NDUFA13: variants seen among roughly 807,000 people sequenced by gnomAD.
The protein encoded by NDUFA13 is NADH dehydrogenase [ubiquinone] 1 alpha subcomplex subunit 13.
NDUFA13 carries 16 observed loss-of-function variants against 17.0 expected under a neutral mutation model. The ratio of observed to expected loss-of-function variants is 0.94; its 90% CI spans 0.64 to 1.43. The LOEUF is 1.43. Among genes scored for constraint, NDUFA13 ranks in the 40% most tolerant of loss-of-function variants. The pLI, the probability that NDUFA13 is intolerant of heterozygous loss-of-function variation, is 0.00. For missense variants in NDUFA13, 228 were observed against 206.7 expected, an observed-to-expected ratio of 1.10 and a Z score of -0.63; for synonymous variants, 87 against 78.4, an observed-to-expected ratio of 1.11 and a Z score of -0.58.
At chr19:19,522,041 A>T (rs533659969) in intron 1 of NDUFA13, among the ~76,000 whole-genome samples, 1 of 152,118 alleles carries the variant, frequency 6.6e-6, no homozygotes, top group Non-Finnish European at 1.5e-5. Context: ...ACGGTGGCTC[A>T]TGCCTGTAAT....
rs773681331 is a variant in NDUFA13 at position 19,528,063 on chromosome 19, G to C, written c.372G>C (p.Leu124=). 1 of 1,612,074 alleles carries C rather than the reference G, an allele frequency of 6.2e-7. No individual in the cohort carries two copies. The highest frequency in any genetic ancestry group is 8.5e-7 in the Non-Finnish European group (1 of 1,179,892). Residue 124 remains leucine, a synonymous_variant, in exon 5 of 5, where the codon CTG becomes CTC. Coordinates refer to ENST00000507754, the MANE Select transcript of NDUFA13 (RefSeq NM_015965.7). The part of the protein sequence containing the change: ...TRWVPPLIGE[L]YGLRTTEEAL... Reference sequence around the variant, plus strand: ...GGGTGCCCCCCTTGATCGGGGAGCTGTACGGGCTGCGCACCACAGAGGAGG... The same window carrying C: ...GGGTGCCCCCCTTGATCGGGGAGCTCTACGGGCTGCGCACCACAGAGGAGG...
chr19:19,523,138 G>A (rs920187780), intron 1 of NDUFA13, among the ~76,000 whole-genome samples: 7 of 152,242 alleles, frequency 4.6e-5, no homozygotes, highest in Non-Finnish European at 1.0e-4. Context: ...TTCCCAACCT[G>A]CTTGTCAGTT....
rs1027611344 is a variant in NDUFA13, at chr19:19,525,881, C to A, written c.95-301C>A. 33 of 591,320 alleles carry A rather than the reference C, an allele frequency of 5.6e-5. No individual in the cohort carries two copies. The Admixed American group carries it at 1.1e-3, about 20-fold the overall frequency. The allele number at this position is 591,320 out of a possible 1,614,324, so 36.6% of individuals were successfully genotyped here. ...GGCCGGGAGCCACCATGGACACTGT[C>A]AGAACTGCCCTTCCACTTCAGGGCC... On this transcript the variant is annotated intron_variant, in intron 1 of 4. Transcript: ENST00000507754.
At chr19:19,518,758 T>TTTTTTTG (rs2061062440) in intron 1 of NDUFA13, among the ~76,000 whole-genome samples, 2 of 126,980 alleles carry the variant, frequency 1.6e-5, no homozygotes, top group Admixed American at 8.0e-5. Flanking sequence ...TTTTTTTTTT[T>TTTTTTTG]GAGATGGAGT....
At chr19:19,518,836 A>G (rs1412049481) in intron 1 of NDUFA13, among the ~76,000 whole-genome samples, 1 of 136,020 alleles carries the variant, frequency 7.4e-6, no homozygotes, top group African/African-American at 2.8e-5. Flanking sequence ...TCTGCCTCCC[A>G]GGTTTAAGCG....
rs770102335 is a variant in NDUFA13, at chr19:19,526,197, C to T, written c.110C>T (p.Ala37Val). 1.2e-5 allele frequency: 20 copies of T among 1,614,054 alleles called. No individual in the cohort carries two copies. Among genetic ancestry groups the T allele is most frequent in the African/African-American group, 2.7e-5 (2 of 75,056 alleles). Residue 37 changes from alanine to valine, a missense_variant, in exon 2 of 5, where the codon GCC becomes GTC. By Grantham distance (64) the Ala-to-Val change is moderately conservative (BLOSUM62 0). Coordinates refer to ENST00000507754, the MANE Select transcript of NDUFA13 (RefSeq NM_015965.7). ...CTCTTCACAGGCTACAGCATGCTGG[C>T]CATAGGGATTGGAACCCTGATCTAC... is the stretch of plus-strand genomic sequence containing the variant. Reference protein sequence around the residue: ...RRGLSGYSMLAIGIGTLIYGH... With the variant: ...RRGLSGYSMLVIGIGTLIYGH...
chr19:19,528,042 G>A lies in NDUFA13; in HGVS notation c.351G>A (p.Val117=), dbSNP rs750183592. 1.2e-5 allele frequency: 19 copies of A among 1,612,432 alleles called. No homozygotes were observed. In the South Asian group the frequency reaches 1.9e-4, roughly 16 times the overall value. The change falls in exon 5 of 5, where the codon GTG becomes GTA. Residue 117 remains valine (V), a synonymous_variant. Transcript: ENST00000507754. ...CTGTGTTCCACACAACCCGCTGGGTGCCCCCCTTGATCGGGGAGCTGTACG... is the reference window on the plus strand; with the variant it reads ...CTGTGTTCCACACAACCCGCTGGGTACCCCCCTTGATCGGGGAGCTGTACG... ...GESVFHTTRW[V]PPLIGELYGL... is the part of the protein sequence containing the mutation.
intron 3 of NDUFA13, 51 bp downstream of exon 3, chr19:19,527,403 G>A (rs910943708): frequency 6.3e-7 from 1 of 1,599,792 alleles, no homozygotes; most frequent in African/African-American, 1.3e-5. Context: ...AAGGCCCCAG[G>A]CTGCAGGGCC....
chr19:19,526,260 G>A lies in NDUFA13; in HGVS notation c.173G>A (p.Arg58Lys). The A allele has an allele frequency of 6.2e-7, 1 of 1,614,098 alleles. No homozygotes were observed. The highest frequency in any genetic ancestry group is 8.5e-7 in the Non-Finnish European group (1 of 1,180,006). Residue 58 changes from arginine (R) to lysine (K), a missense_variant and splice_region_variant, in exon 2 of 5, where the codon AGG becomes AAG. Coordinates refer to ENST00000507754, the MANE Select transcript of NDUFA13 (RefSeq NM_015965.7). Reference protein sequence around the residue: ...WSIMKWNRERRRLQIEDFEAR... With the variant: ...WSIMKWNRERKRLQIEDFEAR... The stretch of plus-strand genomic sequence containing the variant: ...ATAATGAAGTGGAACCGTGAGCGCA[G>A]GTAGGGCCCCTGGTGGGCGTTGTCT...
intron 1 of NDUFA13, among the ~76,000 whole-genome samples, chr19:19,517,240 ATTTCT>A (rs1161292620): frequency 1.4e-5 from 2 of 143,440 alleles, no homozygotes; most frequent in Non-Finnish European, 3.0e-5. Flanking sequence ...GAATACATAC[ATTTCT>A]TTTTTTTTTT....
chr19:19,522,863 T>C (rs887198973), intron 1 of NDUFA13, among the ~76,000 whole-genome samples: 4 of 151,956 alleles, frequency 2.6e-5, no homozygotes, highest in Non-Finnish European at 5.9e-5. Context: ...TGTCTGGTTA[T>C]CCCATTTGTT....
intron 1 of NDUFA13, 72 bp from the exon 2 acceptor site, chr19:19,526,110 G>C: frequency 3.2e-6 from 5 of 1,583,970 alleles, no homozygotes; most frequent in Non-Finnish European, 4.3e-6. Flanking sequence ...TTGCAGAGTG[G>C]GCAGCGCCTG....
rs141523506 is a variant in NDUFA13 at position 19,527,806 on chromosome 19, C to T, written c.315+36C>T. 1.1e-4 allele frequency: 164 copies of T among 1,543,416 alleles called. No homozygotes were observed. In the African/African-American group the frequency reaches 1.8e-3, roughly 17 times the overall value. The stretch of plus-strand genomic sequence containing the variant: ...GCTGGGAGGGCAGAGGTGCCAGCCA[C>T]GGCAGAGACAGGGCCTGGGGTTGGG... On this transcript the variant is annotated intron_variant, in intron 4 of 4. Coordinates refer to ENST00000507754, the MANE Select transcript of NDUFA13 (RefSeq NM_015965.7).
At chr19:19,521,697 G>A (rs2061078681) in intron 1 of NDUFA13, among the ~76,000 whole-genome samples, 1 of 136,730 alleles carries the variant, frequency 7.3e-6, no homozygotes, top group Admixed American at 9.2e-5. Context: ...CCGCCTCCCG[G>A]GTTCACGCCA....
rs1477590258 is a variant in NDUFA13 at position 19,527,701 on chromosome 19, G to A, written c.246G>A (p.Arg82=). The A allele has an allele frequency of 6.4e-7, 1 of 1,551,928 alleles. No individual in the cohort carries two copies. The highest frequency in any genetic ancestry group is 2.4e-5 in the East Asian group (1 of 41,030). The change falls in exon 4 of 5, where the codon AGG becomes AGA. Residue 82 remains arginine (R), a splice_region_variant and synonymous_variant. Transcript: ENST00000507754. ...LPLLQAETDR[R]TLQMLRENLE... ...CCCACCATCGGCCCCATCCCCACAGGACCTTGCAGATGCTTCGGGAGAACC... is the reference window on the plus strand; with the variant it reads ...CCCACCATCGGCCCCATCCCCACAGAACCTTGCAGATGCTTCGGGAGAACC...
chr19:19,518,292 TG>T (rs1471476204), intron 1 of NDUFA13, among the ~76,000 whole-genome samples: 1 of 152,096 alleles, frequency 6.6e-6, no homozygotes, highest in Non-Finnish European at 1.5e-5. Context: ...TAGAGTGCAG[TG>T]GCCCGATCTT....
intron 1 of NDUFA13, among the ~76,000 whole-genome samples, chr19:19,520,634 A>AT (rs1568358089): frequency 6.6e-6 from 1 of 152,202 alleles, no homozygotes; most frequent in Non-Finnish European, 1.5e-5. Flanking sequence ...CATCTCAAAA[A>AT]AAATAATAAT....
At chr19:19,522,731 G>A (rs977123653) in intron 1 of NDUFA13, among the ~76,000 whole-genome samples, 3 of 152,070 alleles carry the variant, frequency 2.0e-5, no homozygotes, top group South Asian at 4.1e-4. Context: ...GCCTGCCTTG[G>A]CCTCCCAAAG....
chr19:19,523,426 T>G (rs1345450109), intron 1 of NDUFA13, among the ~76,000 whole-genome samples: 1 of 151,816 alleles, frequency 6.6e-6, no homozygotes, highest in African/African-American at 2.4e-5. Context: ...CCTGTTTCTA[T>G]GAAAAATATA....
Sources: allele counts gnomAD v4.1 joint callset (sites outside exome capture counted in the v4.1 genomes callset), GRCh38; gene constraint gnomAD v4.1.1; transcripts MANE v1.5; gene names NCBI Gene and HGNC (gene_info 2026-07-23, HGNC 2026-07-21).